The following SPTY2D1 variants were observed in gnomAD, a reference collection of about 807,000 sequenced individuals.
The protein encoded by SPTY2D1 is SPT2 chromatin protein domain containing 1.
SPTY2D1 carries 21 observed loss-of-function variants against 64.0 expected under a neutral mutation model. The ratio of observed to expected loss-of-function variants is 0.33; its 90% CI spans 0.23 to 0.47. SPTY2D1 has a LOEUF of 0.47. SPTY2D1 is among the 20% of genes least tolerant of loss of function. The probability of loss-of-function intolerance (pLI) is 1.00; values close to 1 mark genes in which losing one functional copy is unlikely to be tolerated. For missense variants in SPTY2D1, 724 were observed against 837.2 expected (o/e 0.86, Z 1.67); for synonymous variants, 287 against 286.8 (o/e 1.00, Z -0.01).
rs577359048 is a variant in SPTY2D1 at position 18,615,317 on chromosome 11, G to A, written c.957C>T (p.Thr319=). 3 of 1,614,222 alleles carry A rather than the reference G, an allele frequency of 1.9e-6. No individual in the cohort carries two copies. Among genetic ancestry groups the A allele is most frequent in the East Asian group, 2.2e-5 (1 of 44,882 alleles). Reference sequence around the variant, plus strand: ...AAGTCTTTGGGACACTTGGTGAAGAGGTGCTGGAATGAGGCTTTCCAGCTC... The same window carrying A: ...AAGTCTTTGGGACACTTGGTGAAGAAGTGCTGGAATGAGGCTTTCCAGCTC... The part of the protein sequence containing the change: ...FNGAGKPHSS[T]SSPSVPKTSA... Residue 319 remains threonine (T), a synonymous_variant, in exon 3 of 6, where the codon ACC becomes ACT. Transcript: ENST00000336349.
chr11:18,632,472 C>G (rs58988307), intron 1 of SPTY2D1, among the ~76,000 whole-genome samples: 12,509 of 151,952 alleles, frequency 0.082, 1,368 homozygotes, highest in African/African-American at 0.25. Flanking sequence ...TCTCAGCCTC[C>G]CAAGTAGCTG....
intron 5 of SPTY2D1, 149 bp downstream of exon 5, chr11:18,611,328 A>G: frequency 4.1e-6 from 3 of 725,818 alleles, no homozygotes; most frequent in Non-Finnish European, 7.1e-6. Flanking sequence ...CTGTTAAGGA[A>G]TTTGTCCAAG....
Position 18,606,570 on chromosome 11 carries a change from G to A in SPTY2D1, c.*3291C>T. On this transcript the variant is annotated 3_prime_UTR_variant, in exon 6 of 6. Coordinates refer to ENST00000336349, the MANE Select transcript of SPTY2D1 (RefSeq NM_194285.3). ...TTGTCCATTGTGTAAAAGACAGGAT[G>A]GATTTAATTACTCCAAAGAAATCTC... 3.6e-6 allele frequency: 1 copy of A among 280,744 alleles called. No homozygotes were observed. The highest frequency in any genetic ancestry group is 6.8e-6 in the Non-Finnish European group (1 of 146,810). 17.4% of individuals were successfully genotyped at this position (280,744 alleles called of 1,614,324 possible). A position where few individuals can be genotyped will look rare whatever the true frequency, so the allele number is the denominator to read the frequency against.
At chr11:18,616,581 G>A (rs1854302320) in intron 2 of SPTY2D1, among the ~76,000 whole-genome samples, 1 of 152,142 alleles carries the variant, frequency 6.6e-6, no homozygotes, top group Admixed American at 6.5e-5. Flanking sequence ...AAGAAAGAAT[G>A]GAGTTCTTAC....
intron 3 of SPTY2D1, among the ~76,000 whole-genome samples, chr11:18,613,046 CG>C (rs1372164956): frequency 6.6e-6 from 1 of 152,100 alleles, no homozygotes; most frequent in Non-Finnish European, 1.5e-5. Context: ...TTACAGGCGG[CG>C]CCACCGCGCC....
At chr11:18,626,033 T>C (rs575703192) in intron 1 of SPTY2D1, among the ~76,000 whole-genome samples, 1 of 152,234 alleles carries the variant, frequency 6.6e-6, no homozygotes, top group African/African-American at 2.4e-5. Context: ...TTGGCCAGGT[T>C]GGTCTCGAAC....
intron 1 of SPTY2D1, among the ~76,000 whole-genome samples, chr11:18,618,020 G>T (rs1174451390): frequency 6.6e-6 from 1 of 152,164 alleles, no homozygotes; most frequent in Non-Finnish European, 1.5e-5. Flanking sequence ...GCCTTAGAAA[G>T]AAGCATTTCA....
rs758620832 is a variant in SPTY2D1 at position 18,609,784 on chromosome 11, G to C, written c.*77C>G. 1.9e-4 allele frequency: 243 copies of C among 1,306,288 alleles called. No homozygotes were observed. Among genetic ancestry groups the C allele is most frequent in the Non-Finnish European group, 2.6e-4 (235 of 917,328 alleles). 80.9% of individuals were successfully genotyped at this position (1,306,288 alleles called of 1,614,324 possible). A position where few individuals can be genotyped will look rare whatever the true frequency, so the allele number is the denominator to read the frequency against. ...CCCAAGTATAAATCTAAAATGATAA[G>C]GGGGCTTCTTCAGTCTGAAGGCAGG... On this transcript the variant is annotated 3_prime_UTR_variant, in exon 6 of 6. Coordinates refer to ENST00000336349, the MANE Select transcript of SPTY2D1 (RefSeq NM_194285.3).
chr11:18,622,101 A>AAAAAAAAAAAAAAAAAAAAAAAAAAAAAC (rs71050618), intron 1 of SPTY2D1, among the ~76,000 whole-genome samples: 2 of 81,376 alleles, frequency 2.5e-5, no homozygotes, highest in Non-Finnish European at 5.7e-5. Flanking sequence ...AAAAAAAAAA[A>AAAAAAAAAAAAAAAAAAAAAAAAAAAAAC]AAACCAAAAC....
At chr11:18,621,998 G>A (rs1854412691) in intron 1 of SPTY2D1, among the ~76,000 whole-genome samples, 1 of 145,660 alleles carries the variant, frequency 6.9e-6, no homozygotes, top group Non-Finnish European at 1.5e-5. Flanking sequence ...GAGGCAGGAG[G>A]ATTGTCTCAG....
rs201919756 is a variant in SPTY2D1, at chr11:18,614,897, C to A, written c.1377G>T (p.Leu459Phe). The change falls in exon 3 of 6, where the codon TTG (leucine) becomes TTT (phenylalanine). Residue 459 changes from leucine (L) to phenylalanine (F), a missense_variant. By Grantham distance (22) the Leu-to-Phe change is conservative. Coordinates refer to ENST00000336349, the MANE Select transcript of SPTY2D1 (RefSeq NM_194285.3). Reference sequence around the variant, plus strand: ...GCCGGCCAGGGCCACGAGAGCTGCCCAAGGGTCTTGCAGAACTAACTGAAC... The same window carrying A: ...GCCGGCCAGGGCCACGAGAGCTGCCAAAGGGTCTTGCAGAACTAACTGAAC... ...ISGSVSSARP[L>F]GSSRGPGRPV... 6.2e-7 allele frequency: 1 copy of A among 1,613,442 alleles called. No individual in the cohort carries two copies. Among genetic ancestry groups the A allele is most frequent in the Middle Eastern group, 1.6e-4 (1 of 6,062 alleles).
Position 18,612,171 on chromosome 11 carries a change from C to A in SPTY2D1, c.1886+143G>T. On this transcript the variant is annotated intron_variant, in intron 4 of 5. Transcript: ENST00000336349. The surrounding 1 kb of genome is among the most constrained non-coding windows in gnomAD (Gnocchi z 4.6). ...TAAAATATTTAGTGCTAAAAGAGTA[C>A]GTTTATTTAAATAACAATCACCCAA... The A allele has an allele frequency of 1.9e-6, 1 of 525,750 alleles. No homozygotes were observed. Among genetic ancestry groups the A allele is most frequent in the Non-Finnish European group, 3.2e-6 (1 of 314,874 alleles). 32.6% of individuals were successfully genotyped at this position (525,750 alleles called of 1,614,324 possible).
chr11:18,629,373 G>A (rs572445347), intron 1 of SPTY2D1, among the ~76,000 whole-genome samples: 2 of 152,172 alleles, frequency 1.3e-5, no homozygotes, highest in East Asian at 1.9e-4. Flanking sequence ...GCATGGTGGC[G>A]TGCGGCTGCA....
rs1854162266 is a variant in SPTY2D1 at position 18,609,541 on chromosome 11, A to C, written c.*320T>G. 3.8e-6 allele frequency: 1 copy of C among 264,130 alleles called. No homozygotes were observed. The highest frequency in any genetic ancestry group is 7.9e-5 in the East Asian group (1 of 12,698). The allele number at this position is 264,130 out of a possible 1,614,324, so 16.4% of individuals were successfully genotyped here. A position where few individuals can be genotyped will look rare whatever the true frequency, so the allele number is the denominator to read the frequency against. ...CTTTTTTTTCCTTTCAAAGTAGCAA[A>C]GGAACAATAAAAGATTGGCTGACTG... On this transcript the variant is annotated 3_prime_UTR_variant, in exon 6 of 6. Transcript: ENST00000336349.
intron 1 of SPTY2D1, among the ~76,000 whole-genome samples, chr11:18,622,155 T>TA (rs1266497738): frequency 7.1e-6 from 1 of 141,776 alleles, no homozygotes; most frequent in East Asian, 2.1e-4. Context: ...AATAAGATAT[T>TA]AAAACACTCT....
At chr11:18,628,681 C>G (rs1854538344) in intron 1 of SPTY2D1, among the ~76,000 whole-genome samples, 1 of 152,176 alleles carries the variant, frequency 6.6e-6, no homozygotes, top group Non-Finnish European at 1.5e-5. Context: ...AAACTGCACT[C>G]AAATAAGCTC....
Position 18,613,600 on chromosome 11 carries a change from G to T in SPTY2D1, c.1711+963C>A, listed in dbSNP as rs539361128. 3.9e-5 allele frequency among the ~76,000 whole-genome samples: 6 copies of T among 152,240 alleles called. No homozygotes were observed. In the South Asian group the frequency reaches 8.3e-4, roughly 21 times the overall value. On this transcript the variant is annotated intron_variant, in intron 3 of 5. Coordinates refer to ENST00000336349, the MANE Select transcript of SPTY2D1 (RefSeq NM_194285.3). Reference sequence around the variant, plus strand: ...GACGATTGCCAAAAGTCCCCTGGAGGGCAAAATTGCCCTTGTTAAGAATCA... The same window carrying T: ...GACGATTGCCAAAAGTCCCCTGGAGTGCAAAATTGCCCTTGTTAAGAATCA...
At chr11:18,633,076 G>A (rs1019548830) in intron 1 of SPTY2D1, among the ~76,000 whole-genome samples, 2 of 152,104 alleles carry the variant, frequency 1.3e-5, no homozygotes, top group Non-Finnish European at 2.9e-5. Context: ...GTTATTCAGA[G>A]TTCTTGGGAT....
In SPTY2D1 at chr11:18,609,746, T is replaced by C. The variant is rs1318063353; in HGVS notation, c.*115A>G. On this transcript the variant is annotated 3_prime_UTR_variant, in exon 6 of 6. Coordinates refer to ENST00000336349, the MANE Select transcript of SPTY2D1 (RefSeq NM_194285.3). ...GCCTGCAAATGACAGTATGCATTCCTTCTCCTTGAGTACCCAAGTATAAAT... is the reference window on the plus strand; with the variant it reads ...GCCTGCAAATGACAGTATGCATTCCCTCTCCTTGAGTACCCAAGTATAAAT... 1.2e-6 allele frequency: 1 copy of C among 842,962 alleles called. No individual in the cohort carries two copies. Among genetic ancestry groups the C allele is most frequent in the African/African-American group, 1.7e-5 (1 of 58,498 alleles). 52.2% of individuals were successfully genotyped at this position (842,962 alleles called of 1,614,324 possible).
Sources: allele counts gnomAD v4.1 joint callset (sites outside exome capture counted in the v4.1 genomes callset), GRCh38; gene constraint gnomAD v4.1.1; non-coding constraint Gnocchi (gnomAD v3.1); transcripts MANE v1.5; gene names NCBI Gene and HGNC (gene_info 2026-07-23, HGNC 2026-07-21).